The following SLC9A9 variants were observed in gnomAD, a reference collection of about 807,000 sequenced individuals.
The protein encoded by SLC9A9 is sodium/hydrogen exchanger 9.
SLC9A9 carries 62 observed loss-of-function variants against 77.8 expected under a neutral mutation model. The ratio of observed to expected loss-of-function variants is 0.80; its 90% confidence interval spans 0.65 to 0.98. The LOEUF (loss-of-function observed/expected upper bound fraction) is 0.98, where lower values mean the gene tolerates loss of function less well. Ranked by LOEUF, SLC9A9 falls within the 50% of genes least tolerant of loss-of-function variation. SLC9A9 has a pLI of 0.00. For synonymous variants in SLC9A9, 320 were observed against 283.5 expected, an observed-to-expected ratio of 1.13 and a Z score of -1.29; for missense variants, 775 against 774.9, an observed-to-expected ratio of 1.00 and a Z score of 0.00.
At chr3:143,350,124 C>T (rs1424118277) in intron 14 of SLC9A9, among the ~76,000 whole-genome samples, 1 of 152,184 alleles carries the variant, frequency 6.6e-6, no homozygotes, top group Non-Finnish European at 1.5e-5. Flanking sequence ...GACTTCTAGT[C>T]ATGAGGGCTG....
At chr3:143,840,313 A>T (rs1487572392) in intron 1 of SLC9A9, among the ~76,000 whole-genome samples, 1 of 144,876 alleles carries the variant, frequency 6.9e-6, no homozygotes, top group Non-Finnish European at 1.5e-5. Context: ...TCATGCACAC[A>T]GATTTCAGAA....
In SLC9A9 at chr3:143,283,898, C is replaced by T. The variant is rs530578090; in HGVS notation, c.1605-14918G>A. ...TAAAACCACTCAAGTTTTATTGGCACGAACAGGTATGATCCTTTGGTTAAA... is the reference window on the plus strand; with the variant it reads ...TAAAACCACTCAAGTTTTATTGGCATGAACAGGTATGATCCTTTGGTTAAA... On this transcript the variant is annotated intron_variant, in intron 14 of 15. Transcript: ENST00000316549. Among the ~76,000 whole-genome samples the T allele has an allele frequency of 1.5e-4, 23 of 152,240 alleles. 1 individual carries two copies. The highest frequency in any genetic ancestry group is 6.8e-3 in the Middle Eastern group (2 of 294).
intron 9 of SLC9A9, among the ~76,000 whole-genome samples, chr3:143,529,321 C>G (rs1042147013): frequency 6.6e-6 from 1 of 152,150 alleles, no homozygotes; most frequent in Non-Finnish European, 1.5e-5. Context: ...TTCACTTTGG[C>G]TTTTGGAAGA....
intron 12 of SLC9A9, among the ~76,000 whole-genome samples, chr3:143,435,302 C>T (rs1404078599): frequency 1.3e-5 from 2 of 152,076 alleles, no homozygotes; most frequent in African/African-American, 4.8e-5. Context: ...CCCAATTCAC[C>T]TGATTCTCTG....
chr3:143,654,036 G>A (rs60428559), intron 5 of SLC9A9, among the ~76,000 whole-genome samples: 14,774 of 152,172 alleles, frequency 0.097, 756 homozygotes, highest in African/African-American at 0.14. Context: ...TTGAGAGGCA[G>A]CAAGGAATGA....
intron 12 of SLC9A9, among the ~76,000 whole-genome samples, chr3:143,400,782 G>T (rs1209309748): frequency 1.3e-5 from 2 of 150,220 alleles, no homozygotes; most frequent in Non-Finnish European, 3.0e-5. Flanking sequence ...GCAACTTTTA[G>T]TCACTGGGTG....
At chr3:143,643,015 A>T in intron 6 of SLC9A9, among the ~76,000 whole-genome samples, 1 of 150,584 alleles carries the variant, frequency 6.6e-6, no homozygotes. Flanking sequence ...TGTCCTTCTG[A>T]TTTACTTTTG....
intron 14 of SLC9A9, among the ~76,000 whole-genome samples, chr3:143,341,405 AAG>A (rs2032094970): frequency 1.3e-5 from 2 of 152,196 alleles, no homozygotes; most frequent in Admixed American, 1.3e-4. Context: ...AAGGGAGGGC[AAG>A]AGAGTCATCC....
At chr3:143,412,276 G>C in intron 12 of SLC9A9, among the ~76,000 whole-genome samples, 1 of 151,934 alleles carries the variant, frequency 6.6e-6, no homozygotes, top group Non-Finnish European at 1.5e-5. Context: ...CCTCACTTTT[G>C]TTGGCCCCCG....
chr3:143,761,205 C>T (rs984190522), intron 4 of SLC9A9, among the ~76,000 whole-genome samples: 3 of 152,006 alleles, frequency 2.0e-5, no homozygotes, highest in Admixed American at 6.6e-5. Context: ...GATGGATTAA[C>T]GACTTAAATG....
intron 4 of SLC9A9, among the ~76,000 whole-genome samples, chr3:143,695,927 T>C (rs564753939): frequency 3.1e-4 from 47 of 152,328 alleles, no homozygotes; most frequent in Non-Finnish European, 5.9e-4. Flanking sequence ...TTTTTTCATG[T>C]ATTTGTTGGC....
chr3:143,388,676 C>T (rs1320490911), intron 12 of SLC9A9, among the ~76,000 whole-genome samples: 1 of 151,928 alleles, frequency 6.6e-6, no homozygotes, highest in Admixed American at 6.6e-5. Context: ...GTCATAGATA[C>T]AATATAGGTT....
At chr3:143,692,686 G>C (rs1206533850) in intron 5 of SLC9A9, among the ~76,000 whole-genome samples, 1 of 152,132 alleles carries the variant, frequency 6.6e-6, no homozygotes, top group African/African-American at 2.4e-5. Context: ...AATTCAGGAT[G>C]ATAACTCAAA....
chr3:143,797,738 G>T (rs189390706), intron 2 of SLC9A9, among the ~76,000 whole-genome samples: 69 of 151,938 alleles, frequency 4.5e-4, no homozygotes, highest in African/African-American at 1.6e-3. Flanking sequence ...AGCACCTTGT[G>T]TCCCCCGCCC....
intron 12 of SLC9A9, among the ~76,000 whole-genome samples, chr3:143,411,753 A>T (rs1457547729): frequency 2.0e-5 from 3 of 152,066 alleles, no homozygotes; most frequent in Non-Finnish European, 2.9e-5. Flanking sequence ...CCTGGTTACA[A>T]GAGTCCTCTT....
intron 14 of SLC9A9, among the ~76,000 whole-genome samples, chr3:143,296,623 A>G (rs2030280931): frequency 6.6e-6 from 1 of 152,136 alleles, no homozygotes; most frequent in South Asian, 2.1e-4. Flanking sequence ...TTTCCATAGC[A>G]TCCGCACCAT....
rs891764171 is a variant in SLC9A9 at position 143,421,222 on chromosome 3, C to T, written c.1470-39108G>A. The stretch of plus-strand genomic sequence containing the variant: ...GCAATCTACAGATTCAATGCTATTC[C>T]TATCAGACTACCAATGTCATTTTTC... On this transcript the variant is annotated intron_variant, in intron 12 of 15. Coordinates refer to ENST00000316549, the MANE Select transcript of SLC9A9 (RefSeq NM_173653.4). Among the ~76,000 whole-genome samples, 5 of 152,124 alleles carry T rather than the reference C, an allele frequency of 3.3e-5. No individual in the cohort carries two copies. The East Asian group carries it at 7.7e-4, about 23-fold the overall frequency.
At chr3:143,539,335 T>C (rs964465959) in intron 9 of SLC9A9, among the ~76,000 whole-genome samples, 18 of 152,184 alleles carry the variant, frequency 1.2e-4, no homozygotes, top group African/African-American at 3.9e-4. Context: ...GAGCTGTGCC[T>C]CCAGAAGCAA....
chr3:143,287,062 A>T (rs1454699771), intron 14 of SLC9A9, among the ~76,000 whole-genome samples: 1 of 152,080 alleles, frequency 6.6e-6, no homozygotes, highest in South Asian at 2.1e-4. Context: ...AGCTTGGATT[A>T]TCTGAGACAC....
Sources: allele counts gnomAD v4.1 joint callset (sites outside exome capture counted in the v4.1 genomes callset), GRCh38; gene constraint gnomAD v4.1.1; transcripts MANE v1.5; gene names NCBI Gene and HGNC (gene_info 2026-07-23, HGNC 2026-07-21).